Variants in CMIP observed in about 807,000 individuals in gnomAD.
CMIP encodes the protein C-Maf-inducing protein.
In CMIP, 13 loss-of-function variants were observed where a neutral mutation model predicts 97.3. The ratio of observed to expected loss-of-function variants is 0.13; its 90% CI spans 0.09 to 0.21. CMIP has a LOEUF of 0.21. CMIP is among the 10% of genes least tolerant of loss of function. The pLI is 1.00. For synonymous variants in CMIP, 538 were observed against 436.3 expected, an observed-to-expected ratio of 1.23 and a Z score of -2.91; for missense variants, 847 against 1,024.9, an observed-to-expected ratio of 0.83 and a Z score of 2.37.
chr16:81,693,665 T>C (rs1906370093), intron 13 of CMIP, among the ~76,000 whole-genome samples, 178 bp downstream of exon 13: 1 of 152,168 alleles, frequency 6.6e-6, no homozygotes, highest in East Asian at 1.9e-4. Context: ...GTGATGTCAG[T>C]GTTTTACTGT....
Position 81,699,774 on chromosome 16 carries a change from A to G in CMIP, c.1728A>G (p.Ala576=). Reference sequence around the variant, plus strand: ...AGCTGGGTCCCTGCATGCTCCTGGCACTGAGGGGGAACCAGACCATGGTGG... The same window carrying G: ...AGCTGGGTCCCTGCATGCTCCTGGCGCTGAGGGGGAACCAGACCATGGTGG... ...ENKLGPCMLL[A]LRGNQTMVEI... Residue 576 remains alanine (A), a synonymous_variant, in exon 15 of 21, where the codon GCA becomes GCG. Coordinates refer to ENST00000537098, the MANE Select transcript of CMIP (RefSeq NM_198390.3). 6.2e-7 allele frequency: 1 copy of G among 1,613,110 alleles called. No individual in the cohort carries two copies. Among genetic ancestry groups the G allele is most frequent in the East Asian group, 2.2e-5 (1 of 44,846 alleles).
At chr16:81,586,217 G>C (rs1247220112) in intron 1 of CMIP, among the ~76,000 whole-genome samples, 1 of 152,128 alleles carries the variant, frequency 6.6e-6, no homozygotes, top group Non-Finnish European at 1.5e-5. Flanking sequence ...CTCTTTCAGA[G>C]ATGGGATTTT....
intron 1 of CMIP, among the ~76,000 whole-genome samples, chr16:81,548,574 C>T (rs1047280861): frequency 6.6e-6 from 1 of 151,888 alleles, no homozygotes; most frequent in Non-Finnish European, 1.5e-5. Flanking sequence ...CGTGTGGTGG[C>T]ATGCACCTGT....
chr16:81,462,456 T>C (rs1906952305), intron 1 of CMIP, among the ~76,000 whole-genome samples: 1 of 152,148 alleles, frequency 6.6e-6, no homozygotes, highest in African/African-American at 2.4e-5. Context: ...TCAGTGACGC[T>C]TCCCCAGCAG....
At chr16:81,709,294 A>T (rs531663367) in intron 20 of CMIP, among the ~76,000 whole-genome samples, 1 of 152,316 alleles carries the variant, frequency 6.6e-6, no homozygotes, top group East Asian at 1.9e-4. Flanking sequence ...ATTTCCTTTC[A>T]TAGGGCATAT....
chr16:81,476,665 A>G (rs1362180135), intron 1 of CMIP: 5 of 373,176 alleles, frequency 1.3e-5, no homozygotes, highest in Non-Finnish European at 2.6e-5. Flanking sequence ...TGTATATGAG[A>G]TCCATTGTAT....
intron 1 of CMIP, among the ~76,000 whole-genome samples, chr16:81,584,659 C>G (rs2091351018): frequency 6.6e-6 from 1 of 152,164 alleles, no homozygotes; most frequent in Non-Finnish European, 1.5e-5. Context: ...AAGACTGAAG[C>G]TCATGGAAAT....
chr16:81,564,161 A>C lies in CMIP; in HGVS notation c.301-43406A>C, dbSNP rs371316524. On this transcript the variant is annotated intron_variant, in intron 1 of 20. Transcript: ENST00000537098. ...GAGCCCAGATTTTAGTTGGTCAAAT[A>C]CACCTGCCAGGGGAGAAAAGAATGC... is the stretch of plus-strand genomic sequence containing the variant. Among the ~76,000 whole-genome samples, 5 of 152,348 alleles carry C rather than the reference A, an allele frequency of 3.3e-5. No homozygotes were observed. In the East Asian group the frequency reaches 9.6e-4, roughly 29 times the overall value.
At chr16:81,678,002 T>C (rs1760718644) in intron 9 of CMIP, among the ~76,000 whole-genome samples, 1 of 152,208 alleles carries the variant, frequency 6.6e-6, no homozygotes, top group Admixed American at 6.5e-5. Context: ...TCAGCAAATA[T>C]TTTTTGAGCA....
At chr16:81,481,594 G>T (rs181490158) in intron 1 of CMIP, among the ~76,000 whole-genome samples, 1 of 152,322 alleles carries the variant, frequency 6.6e-6, no homozygotes, top group East Asian at 1.9e-4. Flanking sequence ...TGAGGTCTTG[G>T]GGGGATGGGT....
At chr16:81,635,408 C>T (rs1451896991) in intron 3 of CMIP, among the ~76,000 whole-genome samples, 1 of 152,096 alleles carries the variant, frequency 6.6e-6, no homozygotes, top group East Asian at 1.9e-4. Flanking sequence ...TATATCCTAC[C>T]TCTGCTTAAT....
intron 1 of CMIP, among the ~76,000 whole-genome samples, chr16:81,528,302 G>T (rs909648307): frequency 6.6e-6 from 1 of 151,868 alleles, no homozygotes; most frequent in South Asian, 2.1e-4. Context: ...TCTAAACAAT[G>T]CCAAGGCTGG....
At chr16:81,470,459 C>T (rs1330613956) in intron 1 of CMIP, among the ~76,000 whole-genome samples, 1 of 152,162 alleles carries the variant, frequency 6.6e-6, no homozygotes, top group East Asian at 1.9e-4. Context: ...AGAAGTTTGA[C>T]CTCAAAACAG....
At chr16:81,470,504 TAAA>T (rs1310397847) in intron 1 of CMIP, among the ~76,000 whole-genome samples, 5 of 152,192 alleles carry the variant, frequency 3.3e-5, no homozygotes, top group Middle Eastern at 3.2e-3. Context: ...GAGAAAGTGC[TAAA>T]AATAAGGCTG....
At chr16:81,706,023 C>T (rs902026575) in intron 19 of CMIP, among the ~76,000 whole-genome samples, 5 of 152,278 alleles carry the variant, frequency 3.3e-5, no homozygotes, top group Middle Eastern at 3.4e-3. Context: ...AGACACCGTA[C>T]GGTAAGCAGA....
intron 1 of CMIP, among the ~76,000 whole-genome samples, chr16:81,507,875 G>C (rs566838936): frequency 2.0e-5 from 3 of 152,204 alleles, no homozygotes; most frequent in Admixed American, 2.0e-4. Flanking sequence ...AGTAGTACTG[G>C]GGTGTGAGTC....
chr16:81,446,873 G>A (rs1905881310), intron 1 of CMIP, among the ~76,000 whole-genome samples: 1 of 132,964 alleles, frequency 7.5e-6, no homozygotes, highest in Non-Finnish European at 1.5e-5. Flanking sequence ...GAGCGTTGCA[G>A]CCCTCGAGGA....
chr16:81,704,745 G>A (rs866618961), intron 18 of CMIP, among the ~76,000 whole-genome samples: 3 of 32,472 alleles, frequency 9.2e-5, no homozygotes, highest in South Asian at 1.4e-3. Context: ...CCCCTCACCC[G>A]CTTCCCTGCC....
At chr16:81,489,799 T>C (rs558029760) in intron 1 of CMIP, among the ~76,000 whole-genome samples, 8 of 152,194 alleles carry the variant, frequency 5.3e-5, no homozygotes, top group Non-Finnish European at 1.0e-4. Flanking sequence ...TTTTGGCAAA[T>C]GCCAACTCTG....
Sources: allele counts gnomAD v4.1 joint callset (sites outside exome capture counted in the v4.1 genomes callset), GRCh38; gene constraint gnomAD v4.1.1; transcripts MANE v1.5; gene names NCBI Gene and HGNC (gene_info 2026-07-23, HGNC 2026-07-21).